MED15: variants seen among roughly 807,000 people sequenced by gnomAD.
MED15 encodes mediator complex subunit 15, also known as mediator of RNA polymerase II transcription subunit 15.
MED15 carries 41 observed loss-of-function variants against 118.7 expected under a neutral mutation model. That is an observed-to-expected ratio of 0.35 (90% CI 0.27 to 0.45). The LOEUF is 0.45. Ranked by LOEUF, MED15 falls within the 20% of genes least tolerant of loss-of-function variation. The probability of loss-of-function intolerance (pLI) is 1.00; values close to 1 mark genes in which losing one functional copy is unlikely to be tolerated. For missense variants in MED15, 740 were observed against 1,025.5 expected, an observed-to-expected ratio of 0.72 and a Z score of 3.80; for synonymous variants, 436 against 413.9, an observed-to-expected ratio of 1.05 and a Z score of -0.65.
At chr22:20,569,415 A>G (rs964457367) in intron 8 of MED15, among the ~76,000 whole-genome samples, 1 of 151,978 alleles carries the variant, frequency 6.6e-6, no homozygotes, top group Non-Finnish European at 1.5e-5. Context: ...GTGCTAGTTG[A>G]TGTGGTAAGA....
At chr22:20,535,773 A>C (rs1034183425) in intron 1 of MED15, among the ~76,000 whole-genome samples, 1 of 149,724 alleles carries the variant, frequency 6.7e-6, no homozygotes, top group Non-Finnish European at 1.5e-5. Context: ...GTTAGCCAGG[A>C]TGGTCGTGCT....
intron 1 of MED15, among the ~76,000 whole-genome samples, chr22:20,508,932 G>T (rs1285488682): frequency 6.6e-6 from 1 of 152,178 alleles, no homozygotes; most frequent in Non-Finnish European, 1.5e-5. Flanking sequence ...TCACAGCGCA[G>T]TCTTGTCAGT....
chr22:20,534,767 C>G (rs2054995141), intron 1 of MED15, among the ~76,000 whole-genome samples: 1 of 152,168 alleles, frequency 6.6e-6, no homozygotes, highest in African/African-American at 2.4e-5. Flanking sequence ...CCACCCATGC[C>G]TCGCTTCCCC....
chr22:20,550,762 A>C (rs920772308), intron 2 of MED15, among the ~76,000 whole-genome samples: 26 of 152,278 alleles, frequency 1.7e-4, no homozygotes, highest in African/African-American at 6.3e-4. Context: ...TTGGGGCCAA[A>C]GAGGACAATG....
chr22:20,553,898 T>A (rs1165563645), intron 4 of MED15, among the ~76,000 whole-genome samples: 1 of 152,200 alleles, frequency 6.6e-6, no homozygotes, highest in East Asian at 1.9e-4. Flanking sequence ...ATCCATATTT[T>A]TAAATTTCAG....
intron 5 of MED15, among the ~76,000 whole-genome samples, chr22:20,557,261 C>T (rs2056052573): frequency 6.6e-6 from 1 of 152,158 alleles, no homozygotes; most frequent in Non-Finnish European, 1.5e-5. Context: ...CTACCCTATC[C>T]TGTGTCAGGT....
intron 8 of MED15, 152 bp downstream of exon 8, chr22:20,568,783 A>G: frequency 7.7e-7 from 1 of 1,300,038 alleles, no homozygotes; most frequent in Non-Finnish European, 1.0e-6. Flanking sequence ...TCTGCAAGAC[A>G]CCCCTGGAGT....
At position 20,564,398 on chromosome 22, in the gene MED15, G is replaced by A. The variant is rs902291076; in HGVS notation, c.452-52G>A. ...GTCCCTTGCTGTGCAGCCCTGCAGC[G>A]TTTCTGGGAATCTGCCCTGTGGACT... On this transcript the variant is annotated intron_variant, in intron 5 of 17. Coordinates refer to ENST00000263205, the MANE Select transcript of MED15 (RefSeq NM_001003891.3). 57 of 1,604,972 alleles carry A rather than the reference G, an allele frequency of 3.6e-5. No homozygotes were observed. In the Admixed American group the frequency reaches 4.4e-4, roughly 12 times the overall value.
rs184822844 is a variant in MED15 at position 20,526,816 on chromosome 22, C to T, written c.69-10301C>T. On this transcript the variant is annotated intron_variant, in intron 1 of 17. Coordinates refer to ENST00000263205, the MANE Select transcript of MED15 (RefSeq NM_001003891.3). Reference sequence around the variant, plus strand: ...AGTGGCCGCAGGTGTGGTGTGACAGCCCTCAGCGTGCTTGTCTGCCCAGAC... The same window carrying T: ...AGTGGCCGCAGGTGTGGTGTGACAGTCCTCAGCGTGCTTGTCTGCCCAGAC... Among the ~76,000 whole-genome samples, 29 of 152,290 alleles carry T rather than the reference C, an allele frequency of 1.9e-4. No homozygotes were observed. In the East Asian group the frequency reaches 5.4e-3, roughly 28 times the overall value.
Position 20,566,791 on chromosome 22 carries a change from T to G in MED15, c.1015T>G (p.Leu339Val), listed in dbSNP as rs752049319. 128 of 1,613,908 alleles carry G rather than the reference T, an allele frequency of 7.9e-5. No homozygotes were observed. Among genetic ancestry groups the G allele is most frequent in the Non-Finnish European group, 1.1e-4 (127 of 1,179,896 alleles). The change falls in exon 7 of 18, where the codon TTG (leucine) becomes GTG (valine). Residue 339 changes from leucine (L) to valine (V), a missense_variant. Coordinates refer to ENST00000263205, the MANE Select transcript of MED15 (RefSeq NM_001003891.3). The stretch of plus-strand genomic sequence containing the variant: ...GGCGCAAGCTCTCCCTGGACAAATG[T>G]TGTATACCCAACCACCACTGAAATT... ...SQAQALPGQM[L>V]YTQPPLKFVR...
intron 8 of MED15, among the ~76,000 whole-genome samples, chr22:20,569,424 G>A (rs528313343): frequency 1.3e-5 from 2 of 152,296 alleles, no homozygotes; most frequent in African/African-American, 4.8e-5. Context: ...GATGTGGTAA[G>A]ACTGTGGCTG....
chr22:20,512,002 TTTTG>T (rs1172327867), intron 1 of MED15, among the ~76,000 whole-genome samples: 1 of 146,770 alleles, frequency 6.8e-6, no homozygotes, highest in Non-Finnish European at 1.5e-5. Flanking sequence ...TTTTTTTTTT[TTTTG>T]GAGACAAGAT....
In MED15 at chr22:20,523,836, G is replaced by A. The variant is rs1487647277; in HGVS notation, c.69-13281G>A. 4.1e-6 allele frequency: 4 copies of A among 985,244 alleles called. No homozygotes were observed. The African/African-American group carries it at 5.2e-5, about 13-fold the overall frequency. The allele number at this position is 985,244 out of a possible 1,614,324, so 61.0% of individuals were successfully genotyped here. On this transcript the variant is annotated intron_variant, in intron 1 of 17. Transcript: ENST00000263205. Reference sequence around the variant, plus strand: ...TTAGACAACAGTACACAGTTTGAAGGGCAGCAGCCTTTTCTGCAGGTTAGT... The same window carrying A: ...TTAGACAACAGTACACAGTTTGAAGAGCAGCAGCCTTTTCTGCAGGTTAGT...
intron 1 of MED15, among the ~76,000 whole-genome samples, chr22:20,534,541 G>T (rs73156979): frequency 1.3e-5 from 2 of 151,878 alleles, no homozygotes; most frequent in South Asian, 2.1e-4. Context: ...AGAAGAAAAA[G>T]AAAAAAGGAA....
chr22:20,537,351 T>C, intron 2 of MED15, 147 bp downstream of exon 2: 1 of 620,164 alleles, frequency 1.6e-6, no homozygotes, highest in Non-Finnish European at 2.7e-6. Context: ...TGGTTTTGCC[T>C]GCAGCAGTCT....
intron 1 of MED15, among the ~76,000 whole-genome samples, chr22:20,513,282 C>CTTTTTTTTT (rs361904): frequency 7.9e-6 from 1 of 127,056 alleles, no homozygotes; most frequent in African/African-American, 2.7e-5. Flanking sequence ...CTTTTTCTTT[C>CTTTTTTTTT]TTTTTTTTTT....
chr22:20,553,575 G>C (rs1401784934), intron 4 of MED15, among the ~76,000 whole-genome samples: 1 of 152,178 alleles, frequency 6.6e-6, no homozygotes, highest in Non-Finnish European at 1.5e-5. Context: ...AAGTTTCTTT[G>C]TAAATTTAGA....
At chr22:20,558,421 G>A (rs147286400) in intron 5 of MED15, among the ~76,000 whole-genome samples, 1 of 152,180 alleles carries the variant, frequency 6.6e-6, no homozygotes, top group Non-Finnish European at 1.5e-5. Flanking sequence ...GTCGGAAAAG[G>A]CTGAAACTGC....
At chr22:20,545,208 G>A (rs573254138) in intron 2 of MED15, among the ~76,000 whole-genome samples, 1 of 152,098 alleles carries the variant, frequency 6.6e-6, no homozygotes, top group African/African-American at 2.4e-5. Context: ...GGCCAGGCAC[G>A]GTGGCCCATG....
Sources: gnomAD v4.1 joint callset for allele counts (sites outside exome capture counted in the v4.1 genomes callset) on GRCh38, gnomAD v4.1.1 for gene constraint, MANE v1.5 for transcripts, NCBI Gene and HGNC (gene_info 2026-07-23, HGNC 2026-07-21) for gene names.